Variants in MYEF2 observed in about 807,000 individuals in gnomAD.
MYEF2 encodes myelin gene expression factor 2.
In MYEF2, 37 loss-of-function variants were observed where a neutral mutation model predicts 75.2. The observed-to-expected ratio is 0.49, with a 90% CI of 0.38 to 0.65. The LOEUF is 0.65. Among genes scored for constraint, MYEF2 ranks in the 30% least tolerant of loss-of-function variants. The pLI is 0.00. For synonymous variants in MYEF2, 195 were observed against 241.6 expected, an observed-to-expected ratio of 0.81 and a Z score of 1.79; for missense variants, 634 against 771.4, an observed-to-expected ratio of 0.82 and a Z score of 2.11.
chr15:48,136,728 G>A lies in MYEF2; in HGVS notation c.*6180C>T. 5.6e-6 allele frequency: 9 copies of A among 1,613,372 alleles called. No individual in the cohort carries two copies. Among genetic ancestry groups the A allele is most frequent in the Non-Finnish European group, 6.8e-6 (8 of 1,179,692 alleles). Reference sequence around the variant, plus strand: ...TTTTGATATATGGATTGTATGTTTTGGTGCTGTGTTTTGACATTAAAATTA... The same window carrying A: ...TTTTGATATATGGATTGTATGTTTTAGTGCTGTGTTTTGACATTAAAATTA... On this transcript the variant is annotated 3_prime_UTR_variant, in exon 17 of 17. Coordinates refer to ENST00000324324, the MANE Select transcript of MYEF2 (RefSeq NM_016132.5).
chr15:48,156,303 A>T (rs932717288), intron 9 of MYEF2, among the ~76,000 whole-genome samples: 1 of 152,148 alleles, frequency 6.6e-6, no homozygotes, highest in Non-Finnish European at 1.5e-5. Flanking sequence ...AATACAAAAC[A>T]TCCAAATTCA....
intron 1 of MYEF2, chr15:48,169,870 C>G (rs1597353201): frequency 6.6e-6 from 1 of 152,100 alleles, no homozygotes. Context: ...GCTGGGATTA[C>G]AGGCGTGAGC....
rs762918916 is a variant in MYEF2, at chr15:48,141,188, T to C, written c.*1720A>G. ...GCAGGAACAAGCATACCAGACACAA[T>C]TGCAAGTGTGTTGGTTGCAAGAAAA... On this transcript the variant is annotated 3_prime_UTR_variant, in exon 17 of 17. Transcript: ENST00000324324. 1.3e-5 allele frequency: 21 copies of C among 1,613,686 alleles called. No homozygotes were observed. Among genetic ancestry groups the C allele is most frequent in the Non-Finnish European group, 1.8e-5 (21 of 1,179,758 alleles).
intron 1 of MYEF2, among the ~76,000 whole-genome samples, chr15:48,172,510 A>G (rs2140937618): frequency 1.3e-5 from 2 of 152,070 alleles, no homozygotes; most frequent in African/African-American, 2.4e-5. Flanking sequence ...AATGAAAATC[A>G]GGGCAAAAAT....
chr15:48,167,015 G>A (rs1231325718), intron 3 of MYEF2, among the ~76,000 whole-genome samples: 2 of 151,656 alleles, frequency 1.3e-5, no homozygotes, highest in Non-Finnish European at 2.9e-5. Context: ...AAAAACTCAG[G>A]AATATTATCA....
Position 48,149,491 on chromosome 15 carries a change from G to A in MYEF2, c.1379-120C>T. 7 of 638,236 alleles carry A rather than the reference G, an allele frequency of 1.1e-5. No homozygotes were observed. The highest frequency in any genetic ancestry group is 3.0e-5 in the South Asian group (1 of 32,974). The allele number at this position is 638,236 out of a possible 1,614,324, so 39.5% of individuals were successfully genotyped here. ...AGATAAACATTTTTGAGAAAGAAGGGGGAAATTAATTTGTTTATATAATTA... is the reference window on the plus strand; with the variant it reads ...AGATAAACATTTTTGAGAAAGAAGGAGGAAATTAATTTGTTTATATAATTA... On this transcript the variant is annotated intron_variant, in intron 14 of 16. Transcript: ENST00000324324. This position sits in a 1 kb window ranked among gnomAD's most constrained non-coding sequence, Gnocchi z 4.0.
In MYEF2 at chr15:48,137,136, C is replaced by A; in HGVS notation, c.*5772G>T. ...GGAACTTCCAATATCACAGGAAATA[C>A]AAAATAGCTAAAGTATGAACGTTAA... On this transcript the variant is annotated 3_prime_UTR_variant, in exon 17 of 17. Coordinates refer to ENST00000324324, the MANE Select transcript of MYEF2 (RefSeq NM_016132.5). 1 of 617,558 alleles carries A rather than the reference C, an allele frequency of 1.6e-6. No individual in the cohort carries two copies. Among genetic ancestry groups the A allele is most frequent in the Non-Finnish European group, 2.7e-6 (1 of 374,864 alleles). The allele number at this position is 617,558 out of a possible 1,614,324, so 38.3% of individuals were successfully genotyped here.
intron 6 of MYEF2, 40 bp downstream of exon 6, chr15:48,159,573 C>G (rs2039855533): frequency 6.5e-7 from 1 of 1,546,824 alleles, no homozygotes; most frequent in African/African-American, 1.4e-5. Flanking sequence ...AATTAGCTAT[C>G]TATCTGAATG....
At chr15:48,145,141 T>C (rs993644681) in intron 16 of MYEF2, among the ~76,000 whole-genome samples, 2 of 151,852 alleles carry the variant, frequency 1.3e-5, no homozygotes, top group African/African-American at 4.8e-5. Flanking sequence ...GCTAAGATAC[T>C]TCAACTTCCT....
intron 14 of MYEF2, among the ~76,000 whole-genome samples, chr15:48,150,391 A>C (rs1251975825): frequency 6.6e-6 from 1 of 152,064 alleles, no homozygotes; most frequent in African/African-American, 2.4e-5. Flanking sequence ...AGAATAGTTT[A>C]AATAGGTTGT....
chr15:48,176,826 C>T lies in MYEF2; in HGVS notation c.161+1251G>A, dbSNP rs144823108. Among the ~76,000 whole-genome samples, 56 of 152,284 alleles carry T rather than the reference C, an allele frequency of 3.7e-4. No individual in the cohort carries two copies. The East Asian group carries it at 8.3e-3, about 23-fold the overall frequency. ...TTCTGGTTCCTCAATTACTGAGGTG[C>T]ACCACTCTTCATCCAGGAATAAACT... is the stretch of plus-strand genomic sequence containing the variant. On this transcript the variant is annotated intron_variant, in intron 1 of 16. Coordinates refer to ENST00000324324, the MANE Select transcript of MYEF2 (RefSeq NM_016132.5).
intron 5 of MYEF2, among the ~76,000 whole-genome samples, chr15:48,160,486 T>TACACACACACACACAC (rs372090273): frequency 9.3e-5 from 13 of 139,312 alleles, no homozygotes; most frequent in African/African-American, 3.4e-4. Flanking sequence ...AAACCAAACA[T>TACACACACACACACAC]ACACACACAC....
rs747433712 is a variant in MYEF2, at chr15:48,141,384, C to T, written c.*1524G>A. On this transcript the variant is annotated 3_prime_UTR_variant, in exon 17 of 17. Coordinates refer to ENST00000324324, the MANE Select transcript of MYEF2 (RefSeq NM_016132.5). The stretch of plus-strand genomic sequence containing the variant: ...ACGAGGTCAGGAGTTTGAGACCAGC[C>T]TGACCAACATGGTGAAACCCAGTCT... The T allele has an allele frequency of 2.1e-5, 10 of 468,514 alleles. No homozygotes were observed. Among genetic ancestry groups the T allele is most frequent in the Non-Finnish European group, 3.9e-5 (10 of 256,500 alleles). The allele number at this position is 468,514 out of a possible 1,614,324, so 29.0% of individuals were successfully genotyped here. A position where few individuals can be genotyped will look rare whatever the true frequency, so the allele number is the denominator to read the frequency against.
chr15:48,144,933 T>C (rs2039223803), intron 16 of MYEF2, among the ~76,000 whole-genome samples: 1 of 151,946 alleles, frequency 6.6e-6, no homozygotes, highest in Non-Finnish European at 1.5e-5. Flanking sequence ...AAAGTTCACC[T>C]AAGCAAGAAA....
chr15:48,168,519 A>T, intron 2 of MYEF2, 112 bp downstream of exon 2: 2 of 779,626 alleles, frequency 2.6e-6, no homozygotes, highest in Non-Finnish European at 4.2e-6. Context: ...GTCAAGAAAT[A>T]AAAATCAATT....
At chr15:48,174,570 C>A (rs900060600) in intron 1 of MYEF2, among the ~76,000 whole-genome samples, 3 of 151,762 alleles carry the variant, frequency 2.0e-5, no homozygotes, top group Non-Finnish European at 2.9e-5. Flanking sequence ...GGATTAATAT[C>A]AAAAATGTAT....
At chr15:48,154,089 G>A (rs1222234180) in intron 9 of MYEF2, 196 bp from the exon 10 acceptor site, 7 of 483,544 alleles carry the variant, frequency 1.4e-5, no homozygotes, top group Admixed American at 1.4e-4. Flanking sequence ...TTATTAATGA[G>A]AAGTGTTTTA....
chr15:48,155,179 A>T (rs1362750049), intron 9 of MYEF2, among the ~76,000 whole-genome samples: 1 of 152,130 alleles, frequency 6.6e-6, no homozygotes, highest in Non-Finnish European at 1.5e-5. Flanking sequence ...AACACCCTTT[A>T]TAAGGGGCAT....
chr15:48,153,799 A>G lies in MYEF2; in HGVS notation c.1080T>C (p.Gly360=). 1 of 1,613,046 alleles carries G rather than the reference A, an allele frequency of 6.2e-7. No homozygotes were observed. The highest frequency in any genetic ancestry group is 8.5e-7 in the Non-Finnish European group (1 of 1,179,280). Residue 360 remains glycine (G), a synonymous_variant, in exon 10 of 17, where the codon GGT becomes GGC. Coordinates refer to ENST00000324324, the MANE Select transcript of MYEF2 (RefSeq NM_016132.5). ...GGAAGTTAGAATACTCACCACCTGG[A>G]CCTAAATTTCCCATTACTCCACCTA... The part of the protein sequence containing the change: ...LNIGGVMGNL[G]PGGMGMDGPG...
Sources: allele counts gnomAD v4.1 joint callset (sites outside exome capture counted in the v4.1 genomes callset), GRCh38; gene constraint gnomAD v4.1.1; non-coding constraint Gnocchi (gnomAD v3.1); transcripts MANE v1.5; gene names NCBI Gene and HGNC (gene_info 2026-07-23, HGNC 2026-07-21).